Variants in MLLT10 observed in about 807,000 individuals in gnomAD.
The protein encoded by MLLT10 is protein AF-10.
A neutral mutation model predicts 129.1 loss-of-function variants in MLLT10; 30 were observed. The observed-to-expected ratio is 0.23, with a 90% confidence interval of 0.17 to 0.32. MLLT10 has a LOEUF of 0.32. MLLT10 is among the 10% of genes least tolerant of loss of function. The pLI is 1.00. For missense variants in MLLT10, 1,119 were observed against 1,268.3 expected (o/e 0.88, Z 1.79); for synonymous variants, 490 against 446.4 (o/e 1.10, Z -1.23).
intron 3 of MLLT10, among the ~76,000 whole-genome samples, chr10:21,582,541 A>T (rs1462497516): frequency 3.3e-5 from 5 of 152,212 alleles, no homozygotes; most frequent in African/African-American, 1.2e-4. Context: ...GTTGTTTCAG[A>T]CATCCACTGG....
intron 8 of MLLT10, among the ~76,000 whole-genome samples, chr10:21,649,901 G>A (rs965705720): frequency 1.3e-5 from 2 of 152,280 alleles, no homozygotes; most frequent in East Asian, 1.9e-4. Context: ...GTGATAACCC[G>A]TTGCAGAGAA....
intron 14 of MLLT10, among the ~76,000 whole-genome samples, chr10:21,717,840 T>TCTCCTCCTCCTC (rs2056832404): frequency 9.8e-6 from 1 of 102,312 alleles, no homozygotes; most frequent in African/African-American, 3.9e-5. Flanking sequence ...TCCTCCTCCT[T>TCTCCTCCTCCTC]CTCCTCCTCC....
intron 13 of MLLT10, among the ~76,000 whole-genome samples, chr10:21,704,016 GTTTTTTTTTTT>G (rs60982595): frequency 1.4e-4 from 8 of 56,634 alleles, no homozygotes; most frequent in Non-Finnish European, 2.1e-4. Flanking sequence ...ATTGTTTTTT[GTTTTTTTTTTT>G]TTTTTTTTTT....
intron 3 of MLLT10, among the ~76,000 whole-genome samples, chr10:21,579,215 A>G (rs763051788): frequency 6.6e-6 from 1 of 152,176 alleles, no homozygotes; most frequent in Non-Finnish European, 1.5e-5. Context: ...ATGATGAGAA[A>G]TCTGCCATTT....
At chr10:21,680,110 T>C (rs2052583990) in intron 11 of MLLT10, among the ~76,000 whole-genome samples, 1 of 152,152 alleles carries the variant, frequency 6.6e-6, no homozygotes, top group South Asian at 2.1e-4. Flanking sequence ...AGTGTTTTAT[T>C]CCTTGTTCTC....
intron 3 of MLLT10, among the ~76,000 whole-genome samples, chr10:21,575,773 T>C (rs1435258085): frequency 6.6e-6 from 1 of 152,224 alleles, no homozygotes; most frequent in South Asian, 2.1e-4. Context: ...TGACTATGCC[T>C]TATGCTAATT....
chr10:21,584,815 CACAT>C (rs1373062344), intron 3 of MLLT10, among the ~76,000 whole-genome samples: 15 of 150,942 alleles, frequency 9.9e-5, no homozygotes, highest in South Asian at 4.2e-4. Context: ...TGTTTATATA[CACAT>C]ACATATGTAT....
At chr10:21,703,106 G>T (rs556052319) in intron 13 of MLLT10, among the ~76,000 whole-genome samples, 3 of 152,030 alleles carry the variant, frequency 2.0e-5, no homozygotes, top group African/African-American at 7.2e-5. Flanking sequence ...TTGTACTTTT[G>T]TATGTTTTCA....
chr10:21,561,321 TGTTCTGCCTCCTGGGTGCAA>T (rs926917238), intron 3 of MLLT10, among the ~76,000 whole-genome samples: 85 of 151,984 alleles, frequency 5.6e-4, no homozygotes, highest in African/African-American at 1.9e-3. Context: ...ATCTTGGCTC[TGTTCTGCCTCCTGGGTGCAA>T]GTTCTGCCTC....
At chr10:21,610,974 T>A (rs908788719) in intron 5 of MLLT10, among the ~76,000 whole-genome samples, 1 of 141,248 alleles carries the variant, frequency 7.1e-6, no homozygotes, top group African/African-American at 2.6e-5. Context: ...AGTTTTTCTT[T>A]CTTTTTTCTC....
intron 13 of MLLT10, among the ~76,000 whole-genome samples, chr10:21,706,277 A>T (rs2131491712): frequency 6.6e-6 from 1 of 152,322 alleles, no homozygotes; most frequent in South Asian, 2.1e-4. Flanking sequence ...TATGTGGTAG[A>T]CAGCATACTG....
chr10:21,633,628 G>A (rs1382213532), intron 8 of MLLT10, among the ~76,000 whole-genome samples: 2 of 152,116 alleles, frequency 1.3e-5, no homozygotes, highest in Non-Finnish European at 2.9e-5. Flanking sequence ...CCAGGAAGTC[G>A]AGGCCACAAA....
chr10:21,548,371 C>G (rs116969833), intron 3 of MLLT10, among the ~76,000 whole-genome samples: 1,972 of 149,710 alleles, frequency 0.013, 24 homozygotes, highest in Non-Finnish European at 0.02. Flanking sequence ...TATTTTCTAT[C>G]TTATCTTTTT....
At chr10:21,725,752 CTT>C (rs554724721) in intron 14 of MLLT10, among the ~76,000 whole-genome samples, 9 of 131,312 alleles carry the variant, frequency 6.9e-5, no homozygotes, top group Admixed American at 1.5e-4. Context: ...AGTTACGTAA[CTT>C]TTTTTTTTTT....
intron 9 of MLLT10, among the ~76,000 whole-genome samples, chr10:21,654,172 T>C (rs1057311595): frequency 6.6e-6 from 1 of 152,082 alleles, no homozygotes; most frequent in Non-Finnish European, 1.5e-5. Context: ...CTGATTGGAG[T>C]GCTTTATAGA....
chr10:21,598,173 T>C (rs1365523162), intron 5 of MLLT10, among the ~76,000 whole-genome samples: 2 of 152,218 alleles, frequency 1.3e-5, no homozygotes, highest in African/African-American at 4.8e-5. Context: ...CTTTCTTTAC[T>C]TGCTGATTAT....
intron 3 of MLLT10, among the ~76,000 whole-genome samples, chr10:21,568,337 A>G (rs1485001259): frequency 1.3e-5 from 2 of 152,312 alleles, no homozygotes; most frequent in Middle Eastern, 3.4e-3. Flanking sequence ...TTAAATTTGT[A>G]CTTAGTGGGA....
intron 8 of MLLT10, among the ~76,000 whole-genome samples, chr10:21,642,761 T>C (rs1255662457): frequency 6.6e-6 from 1 of 152,170 alleles, no homozygotes; most frequent in East Asian, 1.9e-4. Context: ...AATCAATTTC[T>C]CTTAATTACC....
chr10:21,684,749 C>T (rs1415514182), intron 13 of MLLT10, among the ~76,000 whole-genome samples: 3 of 152,170 alleles, frequency 2.0e-5, no homozygotes, highest in Non-Finnish European at 4.4e-5. Flanking sequence ...CATTTATACT[C>T]CTTCACATGG....
Sources: allele counts gnomAD v4.1 joint callset (sites outside exome capture counted in the v4.1 genomes callset), GRCh38; gene constraint gnomAD v4.1.1; transcripts MANE v1.5; gene names NCBI Gene and HGNC (gene_info 2026-07-23, HGNC 2026-07-21).